The following CENPW variants were observed in gnomAD, a reference collection of about 807,000 sequenced individuals.
CENPW encodes centromere protein W.
Under a neutral mutation model 11.1 loss-of-function variants are expected in CENPW, and 3 were observed. The ratio of observed to expected loss-of-function variants is 0.27; its 90% CI spans 0.12 to 0.70. The LOEUF is 0.70. Ranked by LOEUF, CENPW falls within the 30% of genes least tolerant of loss-of-function variation. The probability of loss-of-function intolerance (pLI) is 0.77; values close to 1 mark genes in which losing one functional copy is unlikely to be tolerated. For synonymous variants in CENPW, 38 were observed against 42.0 expected (o/e 0.91, Z 0.37); for missense variants, 100 against 105.6 (o/e 0.95, Z 0.23).
At chr6:126,440,067 A>T in the CENPW span, among the ~76,000 whole-genome samples, 37 of 151,586 alleles carry the variant, frequency 2.4e-4, no homozygotes, top group Admixed American at 2.4e-3. Flanking sequence ...TTATTAACAC[A>T]TCTACTTCTA....
chr6:126,370,904 C>A, the CENPW span, among the ~76,000 whole-genome samples: 18 of 151,968 alleles, frequency 1.2e-4, no homozygotes, highest in African/African-American at 4.1e-4. Context: ...AGGTGCCCAC[C>A]ACCACGCCTG....
At chr6:126,408,260 A>G in the CENPW span, among the ~76,000 whole-genome samples, 2 of 152,178 alleles carry the variant, frequency 1.3e-5, no homozygotes, top group Non-Finnish European at 2.9e-5. Context: ...TGGGTAATTG[A>G]TAAAGAAAAA....
chr6:126,441,823 T>C, the CENPW span, among the ~76,000 whole-genome samples: 34 of 151,642 alleles, frequency 2.2e-4, no homozygotes, highest in Non-Finnish European at 4.0e-4. Context: ...AGGGTATACA[T>C]ATGCCACGTT....
the CENPW span, among the ~76,000 whole-genome samples, chr6:126,374,865 G>C: frequency 6.6e-6 from 1 of 152,144 alleles, no homozygotes; most frequent in Admixed American, 6.6e-5. Context: ...TTCTAATTTT[G>C]AAAGTATTGT....
the CENPW span, among the ~76,000 whole-genome samples, chr6:126,470,852 C>T: frequency 6.6e-6 from 1 of 152,222 alleles, no homozygotes; most frequent in Non-Finnish European, 1.5e-5. Flanking sequence ...CCTGTGGCCC[C>T]TTTGTTTTGG....
the CENPW span, among the ~76,000 whole-genome samples, chr6:126,356,320 A>T: frequency 6.6e-6 from 1 of 152,160 alleles, no homozygotes; most frequent in Admixed American, 6.5e-5. Flanking sequence ...AAAGTTCAAG[A>T]GTAGGTGAAA....
chr6:126,461,618 T>C, the CENPW span, among the ~76,000 whole-genome samples: 1 of 151,878 alleles, frequency 6.6e-6, no homozygotes. Context: ...AGCTAAAAAT[T>C]TTGATATGAG....
the CENPW span, among the ~76,000 whole-genome samples, chr6:126,397,540 C>A: frequency 6.6e-6 from 1 of 152,170 alleles, no homozygotes; most frequent in East Asian, 1.9e-4. Flanking sequence ...TTGCTCATCT[C>A]GTTTTTGATT....
the CENPW span, among the ~76,000 whole-genome samples, chr6:126,384,941 GGAGA>G: frequency 3.9e-4 from 59 of 152,162 alleles, no homozygotes; most frequent in Admixed American, 2.8e-3. Context: ...TTAAAAAAGT[GGAGA>G]GAGGACATCA....
At chr6:126,384,347 C>A in the CENPW span, among the ~76,000 whole-genome samples, 1 of 152,014 alleles carries the variant, frequency 6.6e-6, no homozygotes, top group Non-Finnish European at 1.5e-5. Flanking sequence ...GATAGCAAAG[C>A]AGGAGGCACC....
At chr6:126,390,523 A>G in the CENPW span, among the ~76,000 whole-genome samples, 18 of 152,032 alleles carry the variant, frequency 1.2e-4, no homozygotes, top group African/African-American at 4.3e-4. Context: ...TATTGACTAT[A>G]GTTACCCAAT....
chr6:126,415,810 T>C, the CENPW span, among the ~76,000 whole-genome samples: 2 of 152,246 alleles, frequency 1.3e-5, no homozygotes. Flanking sequence ...CCCAGCCATG[T>C]AGAACTGTCG....
the CENPW span, among the ~76,000 whole-genome samples, chr6:126,413,596 T>C: frequency 6.6e-6 from 1 of 151,876 alleles, no homozygotes; most frequent in Non-Finnish European, 1.5e-5. Context: ...TAGCCCTGTA[T>C]CTAGAAATAA....
At chr6:126,463,159 G>A in the CENPW span, among the ~76,000 whole-genome samples, 1 of 151,938 alleles carries the variant, frequency 6.6e-6, no homozygotes, top group Non-Finnish European at 1.5e-5. Flanking sequence ...CATGATCTTT[G>A]AATACTTTTC....
the CENPW span, among the ~76,000 whole-genome samples, chr6:126,355,930 A>G: frequency 4.6e-5 from 7 of 152,168 alleles, no homozygotes; most frequent in African/African-American, 1.7e-4. Context: ...AGGGAGCATC[A>G]ATTCTTCCAG....
At chr6:126,377,916 A>T in the CENPW span, among the ~76,000 whole-genome samples, 1 of 152,184 alleles carries the variant, frequency 6.6e-6, no homozygotes, top group Non-Finnish European at 1.5e-5. Context: ...GGGAGCACAT[A>T]ACCCCATAAT....
chr6:126,410,773 G>C, the CENPW span, among the ~76,000 whole-genome samples: 1 of 151,484 alleles, frequency 6.6e-6, no homozygotes, highest in African/African-American at 2.4e-5. Flanking sequence ...TTGCTGTTGG[G>C]GCTTTCACTT....
chr6:126,451,106 A>C, the CENPW span, among the ~76,000 whole-genome samples: 5 of 151,042 alleles, frequency 3.3e-5, no homozygotes, highest in African/African-American at 1.2e-4. Flanking sequence ...TAGTGCACCA[A>C]CTTTGAATGG....
chr6:126,416,956 C>A, the CENPW span, among the ~76,000 whole-genome samples: 1 of 152,154 alleles, frequency 6.6e-6, no homozygotes, highest in Non-Finnish European at 1.5e-5. Context: ...ATCTTCCAGA[C>A]CCCAAAATTG....
Sources: gnomAD v4.1 joint callset for allele counts (sites outside exome capture counted in the v4.1 genomes callset) on GRCh38, gnomAD v4.1.1 for gene constraint, MANE v1.5 for transcripts, NCBI Gene and HGNC (gene_info 2026-07-23, HGNC 2026-07-21) for gene names.